PRKCA: variants seen among roughly 807,000 people sequenced by gnomAD.
PRKCA encodes the protein protein kinase C alpha type.
A neutral mutation model predicts 87.0 loss-of-function variants in PRKCA; 27 were observed. That is an observed-to-expected ratio of 0.31 (90% confidence interval 0.23 to 0.43). The LOEUF is 0.43. Ranked by LOEUF, PRKCA falls within the 20% of genes least tolerant of loss-of-function variation. The probability of loss-of-function intolerance (pLI) is 1.00; values close to 1 mark genes in which losing one functional copy is unlikely to be tolerated. For missense variants in PRKCA, 518 were observed against 852.3 expected (o/e 0.61, Z 4.88); for synonymous variants, 329 against 311.1 (o/e 1.06, Z -0.61).
At chr17:66,759,445 C>T (rs1974631557) in intron 13 of PRKCA, among the ~76,000 whole-genome samples, 1 of 148,860 alleles carries the variant, frequency 6.7e-6, no homozygotes, top group Non-Finnish European at 1.5e-5. Flanking sequence ...AAAAGGAAGT[C>T]ACTGATATGC....
chr17:66,507,580 A>C (rs1917032826), intron 3 of PRKCA, among the ~76,000 whole-genome samples: 1 of 152,246 alleles, frequency 6.6e-6, no homozygotes, highest in Non-Finnish European at 1.5e-5. Flanking sequence ...GTGAACTAGT[A>C]AAGACAGGAG....
intron 10 of PRKCA, among the ~76,000 whole-genome samples, chr17:66,736,341 G>C (rs887358944): frequency 1.3e-5 from 2 of 151,048 alleles, no homozygotes; most frequent in Admixed American, 6.6e-5. Flanking sequence ...GCAATGGTGC[G>C]ATCTCTGCTC....
Position 66,734,001 on chromosome 17 carries a change from G to C in PRKCA, c.1056+1176G>C, listed in dbSNP as rs544929259. On this transcript the variant is annotated intron_variant, in intron 9 of 16. Coordinates refer to ENST00000413366, the MANE Select transcript of PRKCA (RefSeq NM_002737.3). Reference sequence around the variant, plus strand: ...TCTGAGTTGTCAATCAAAGTTAGGAGGGGCCTGATAGCTCCTACTGCTAGG... The same window carrying C: ...TCTGAGTTGTCAATCAAAGTTAGGACGGGCCTGATAGCTCCTACTGCTAGG... 2.6e-5 allele frequency among the ~76,000 whole-genome samples: 4 copies of C among 152,328 alleles called. No individual in the cohort carries two copies. In the South Asian group the frequency reaches 8.3e-4, roughly 32 times the overall value.
chr17:66,797,229 A>C (rs913039826), intron 16 of PRKCA, among the ~76,000 whole-genome samples: 1 of 152,162 alleles, frequency 6.6e-6, no homozygotes, highest in Admixed American at 6.5e-5. Flanking sequence ...AGGGGCTGTG[A>C]GCAATGTGTT....
intron 3 of PRKCA, among the ~76,000 whole-genome samples, chr17:66,579,051 G>A (rs1041638395): frequency 7.2e-5 from 11 of 152,220 alleles, no homozygotes; most frequent in African/African-American, 2.7e-4. Context: ...TGTGGTGGCT[G>A]CTGCTTTCTG....
intron 2 of PRKCA, among the ~76,000 whole-genome samples, chr17:66,338,584 C>T (rs1048285271): frequency 1.2e-4 from 18 of 152,088 alleles, no homozygotes; most frequent in African/African-American, 3.4e-4. Context: ...TTCCCCCCCA[C>T]TCATTTTAAA....
At chr17:66,798,348 T>G (rs556568370) in intron 16 of PRKCA, among the ~76,000 whole-genome samples, 1 of 150,968 alleles carries the variant, frequency 6.6e-6, no homozygotes, top group Admixed American at 6.6e-5. Flanking sequence ...GATCCAAAAA[T>G]CTCTGGTTTT....
At chr17:66,608,438 A>G (rs1970269362) in intron 3 of PRKCA, among the ~76,000 whole-genome samples, 1 of 152,222 alleles carries the variant, frequency 6.6e-6, no homozygotes, top group Non-Finnish European at 1.5e-5. Flanking sequence ...AATTTTAATG[A>G]GTAATATTTT....
At chr17:66,777,535 CAGG>C in intron 14 of PRKCA, 4 of 983,192 alleles carry the variant, frequency 4.1e-6, no homozygotes, top group Non-Finnish European at 4.8e-6. Context: ...GCTGGAGAAA[CAGG>C]AGTTGTCTGC....
intron 3 of PRKCA, among the ~76,000 whole-genome samples, chr17:66,501,513 G>A (rs1567861532): frequency 6.6e-6 from 1 of 152,186 alleles, no homozygotes; most frequent in African/African-American, 2.4e-5. Flanking sequence ...TCATTCCCTG[G>A]TACTGCCTGT....
intron 14 of PRKCA, among the ~76,000 whole-genome samples, chr17:66,780,338 T>G (rs1184997200): frequency 6.6e-6 from 1 of 151,932 alleles, no homozygotes; most frequent in Admixed American, 6.6e-5. Context: ...TTTGCAACAG[T>G]CGGTGAAAAA....
Position 66,391,535 on chromosome 17 carries a change from G to A in PRKCA, c.205+85408G>A, listed in dbSNP as rs557222881. Among the ~76,000 whole-genome samples the A allele has an allele frequency of 6.8e-4, 104 of 152,256 alleles. 2 individuals are homozygous for A. The highest frequency in any genetic ancestry group is 2.2e-4 in the Non-Finnish European group (15 of 68,030). On this transcript the variant is annotated intron_variant, in intron 2 of 16. Transcript: ENST00000413366. Reference sequence around the variant, plus strand: ...CCTACCACAGTGCCTGGAGGTGGAAGCTTAAACACTTATTGGATAAGAAGT... The same window carrying A: ...CCTACCACAGTGCCTGGAGGTGGAAACTTAAACACTTATTGGATAAGAAGT...
chr17:66,732,894 C>T lies in PRKCA; in HGVS notation c.1056+69C>T, dbSNP rs544445694. 26 of 1,558,576 alleles carry T rather than the reference C, an allele frequency of 1.7e-5. No individual in the cohort carries two copies. The African/African-American group carries it at 2.1e-4, about 12-fold the overall frequency. On this transcript the variant is annotated intron_variant, in intron 9 of 16. Transcript: ENST00000413366. ...AATGTCGAATCAGTTTTGTTCTCCTCGTAGTTTGCAGAATAGCACATTAGA... is the reference window on the plus strand; with the variant it reads ...AATGTCGAATCAGTTTTGTTCTCCTTGTAGTTTGCAGAATAGCACATTAGA...
intron 8 of PRKCA, among the ~76,000 whole-genome samples, chr17:66,713,137 C>T (rs1259433817): frequency 6.7e-6 from 1 of 149,414 alleles, no homozygotes; most frequent in Non-Finnish European, 1.5e-5. Flanking sequence ...TTGCAACCTC[C>T]ACCTCCCGGG....
At chr17:66,480,781 TA>T (rs34400938) in intron 2 of PRKCA, among the ~76,000 whole-genome samples, 28,688 of 146,650 alleles carry the variant, frequency 0.2, 2,850 homozygotes, top group East Asian at 0.29. Context: ...TTATATGGCT[TA>T]AAAAAAAAAA....
At chr17:66,668,425 C>T (rs937248742) in intron 5 of PRKCA, among the ~76,000 whole-genome samples, 2 of 152,112 alleles carry the variant, frequency 1.3e-5, no homozygotes, top group Non-Finnish European at 2.9e-5. Context: ...TGTGTAATTA[C>T]CAAGCACTGT....
chr17:66,333,020 G>T (rs28699335), intron 2 of PRKCA, among the ~76,000 whole-genome samples: 1 of 152,110 alleles, frequency 6.6e-6, no homozygotes, highest in Non-Finnish European at 1.5e-5. Context: ...GGATTTGTTT[G>T]TGATTTAAGA....
intron 14 of PRKCA, among the ~76,000 whole-genome samples, chr17:66,776,211 C>G (rs1975043996): frequency 6.6e-6 from 1 of 152,196 alleles, no homozygotes; most frequent in Admixed American, 6.5e-5. Context: ...GTGGTGCATC[C>G]CCATGAGGCT....
rs375642930 is a variant in PRKCA, at chr17:66,315,029, G to GTA, written c.205+8913_205+8914dup. Among the ~76,000 whole-genome samples, 272 of 151,614 alleles carry GTA rather than the reference G, an allele frequency of 1.8e-3. 1 individual carries two copies. Among genetic ancestry groups the GTA allele is most frequent in the African/African-American group, 6.2e-3 (255 of 41,322 alleles). ...TATGTGTGTATATATATGTGTGTGTGTATATATATATACACCTAGCTTGTG... is the reference window on the plus strand; with the variant it reads ...TATGTGTGTATATATATGTGTGTGTGTATATATATATATACACCTAGCTTGTG... On this transcript the variant is annotated intron_variant, in intron 2 of 16. Coordinates refer to ENST00000413366, the MANE Select transcript of PRKCA (RefSeq NM_002737.3).
Sources: gnomAD v4.1 joint callset for allele counts (sites outside exome capture counted in the v4.1 genomes callset) on GRCh38, gnomAD v4.1.1 for gene constraint, MANE v1.5 for transcripts, NCBI Gene and HGNC (gene_info 2026-07-23, HGNC 2026-07-21) for gene names.